The following RABGAP1L variants were observed in gnomAD, a reference collection of about 807,000 sequenced individuals.
The protein encoded by RABGAP1L is rab GTPase-activating protein 1-like.
Under a neutral mutation model 137.7 loss-of-function variants are expected in RABGAP1L, and 63 were observed. The ratio of observed to expected loss-of-function variants is 0.46; its 90% CI spans 0.37 to 0.56. RABGAP1L has a LOEUF of 0.56. Among genes scored for constraint, RABGAP1L ranks in the 20% least tolerant of loss-of-function variants. The pLI, the probability that RABGAP1L is intolerant of heterozygous loss-of-function variation, is 0.00. For missense variants in RABGAP1L, 1,095 were observed against 1,244.0 expected, an observed-to-expected ratio of 0.88 and a Z score of 1.80; for synonymous variants, 431 against 433.7, an observed-to-expected ratio of 0.99 and a Z score of 0.08.
At chr1:174,424,103 G>C (rs569817617) in intron 13 of RABGAP1L, among the ~76,000 whole-genome samples, 130 of 152,206 alleles carry the variant, frequency 8.5e-4, no homozygotes, top group Non-Finnish European at 8.8e-4. Flanking sequence ...GAAGTTTACT[G>C]AATGATGAAG....
intron 14 of RABGAP1L, among the ~76,000 whole-genome samples, chr1:174,653,399 A>G (rs1215790686): frequency 3.9e-5 from 6 of 152,104 alleles, no homozygotes; most frequent in African/African-American, 1.4e-4. Flanking sequence ...TTTGTGCTTG[A>G]AACCCAGGGC....
intron 19 of RABGAP1L, among the ~76,000 whole-genome samples, chr1:174,898,754 A>G (rs1229370921): frequency 1.3e-5 from 2 of 152,188 alleles, no homozygotes; most frequent in African/African-American, 4.8e-5. Flanking sequence ...ATGTTTTAAT[A>G]AATATTTTTA....
At chr1:174,787,402 CAAAAAA>C (rs35930436) in intron 18 of RABGAP1L, among the ~76,000 whole-genome samples, 1 of 119,904 alleles carries the variant, frequency 8.3e-6, no homozygotes, top group Non-Finnish European at 1.7e-5. Context: ...GACTCTGTGT[CAAAAAA>C]AAAAAAAAAA....
At chr1:174,217,666 A>G (rs1318781134) in intron 1 of RABGAP1L, among the ~76,000 whole-genome samples, 1 of 152,204 alleles carries the variant, frequency 6.6e-6, no homozygotes, top group Non-Finnish European at 1.5e-5. Context: ...CCTTCAGAGG[A>G]CAGATGAATG....
intron 13 of RABGAP1L, among the ~76,000 whole-genome samples, chr1:174,429,066 C>T (rs1375292479): frequency 6.6e-6 from 1 of 152,068 alleles, no homozygotes; most frequent in Non-Finnish European, 1.5e-5. Flanking sequence ...TCAGTGCTTG[C>T]AATTCCTTTT....
At chr1:174,391,683 T>C (rs1687222032) in intron 12 of RABGAP1L, among the ~76,000 whole-genome samples, 1 of 152,184 alleles carries the variant, frequency 6.6e-6, no homozygotes, top group Non-Finnish European at 1.5e-5. Flanking sequence ...TAATTTAATT[T>C]ATTGGAGTTT....
chr1:174,376,886 A>G (rs562953230), intron 12 of RABGAP1L, among the ~76,000 whole-genome samples: 2 of 152,304 alleles, frequency 1.3e-5, no homozygotes, highest in East Asian at 1.9e-4. Flanking sequence ...AAGGCAAACA[A>G]GATTGGAAAG....
intron 19 of RABGAP1L, among the ~76,000 whole-genome samples, chr1:174,931,397 A>G (rs897010102): frequency 3.3e-5 from 5 of 152,124 alleles, no homozygotes; most frequent in Non-Finnish European, 7.4e-5. Flanking sequence ...GCTTTGTTTC[A>G]CTGATCCTCT....
chr1:174,181,459 T>C (rs1479592613), intron 1 of RABGAP1L, among the ~76,000 whole-genome samples: 5 of 151,336 alleles, frequency 3.3e-5, no homozygotes, highest in Non-Finnish European at 5.9e-5. Context: ...TGCCTCAGCC[T>C]CCCGAGTAGC....
At chr1:174,736,437 A>G (rs1312404593) in intron 17 of RABGAP1L, among the ~76,000 whole-genome samples, 1 of 151,948 alleles carries the variant, frequency 6.6e-6, no homozygotes, top group Non-Finnish European at 1.5e-5. Context: ...TTTGCAGGGT[A>G]CAGCCCACAT....
At chr1:174,358,461 G>A (rs182301689) in intron 11 of RABGAP1L, among the ~76,000 whole-genome samples, 1 of 152,274 alleles carries the variant, frequency 6.6e-6, no homozygotes, top group East Asian at 1.9e-4. Context: ...AATGGCTGGC[G>A]GGTGGTGTAG....
intron 18 of RABGAP1L, among the ~76,000 whole-genome samples, chr1:174,808,053 G>A (rs970554810): frequency 2.0e-5 from 3 of 147,898 alleles, no homozygotes; most frequent in Non-Finnish European, 4.4e-5. Flanking sequence ...GCGCGATCTC[G>A]GCCCACTGCA....
At chr1:174,583,022 G>T (rs1668857405) in intron 13 of RABGAP1L, among the ~76,000 whole-genome samples, 1 of 152,110 alleles carries the variant, frequency 6.6e-6, no homozygotes, top group Non-Finnish European at 1.5e-5. Flanking sequence ...ATTTATATCA[G>T]ATTCTATTTA....
chr1:174,539,537 G>A (rs1365368199), intron 13 of RABGAP1L, among the ~76,000 whole-genome samples: 2 of 152,152 alleles, frequency 1.3e-5, no homozygotes, highest in African/African-American at 4.8e-5. Context: ...GTGAGAACAT[G>A]CGGTGTTTGG....
chr1:174,361,024 G>T (rs983632483), intron 11 of RABGAP1L, among the ~76,000 whole-genome samples: 5 of 152,074 alleles, frequency 3.3e-5, no homozygotes, highest in African/African-American at 1.2e-4. Context: ...GGGCATGGTG[G>T]TGAGTGCTTG....
intron 17 of RABGAP1L, among the ~76,000 whole-genome samples, chr1:174,742,541 G>C (rs1427589347): frequency 2.0e-5 from 3 of 152,082 alleles, no homozygotes; most frequent in African/African-American, 7.2e-5. Flanking sequence ...AAAGAAAAGT[G>C]GTATGAGCAC....
At chr1:174,318,450 G>C (rs768031226) in intron 11 of RABGAP1L, among the ~76,000 whole-genome samples, 2 of 151,848 alleles carry the variant, frequency 1.3e-5, no homozygotes, top group Non-Finnish European at 2.9e-5. Flanking sequence ...GGGGCGTTGT[G>C]TTTTTGTTTT....
At chr1:174,463,275 A>G (rs544428881) in intron 13 of RABGAP1L, among the ~76,000 whole-genome samples, 5 of 152,122 alleles carry the variant, frequency 3.3e-5, no homozygotes, top group African/African-American at 7.2e-5. Context: ...ATGTCCAACA[A>G]TGATAGACTG....
chr1:174,551,845 A>G (rs976984905), intron 13 of RABGAP1L, among the ~76,000 whole-genome samples: 13 of 152,312 alleles, frequency 8.5e-5, no homozygotes, highest in African/African-American at 2.4e-4. Flanking sequence ...CAGAAATGGA[A>G]TAGTGGATAT....
Sources: allele counts gnomAD v4.1 joint callset (sites outside exome capture counted in the v4.1 genomes callset), GRCh38; gene constraint gnomAD v4.1.1; transcripts MANE v1.5; gene names NCBI Gene and HGNC (gene_info 2026-07-23, HGNC 2026-07-21).